The following EXOC6 variants were observed in gnomAD, a reference collection of about 807,000 sequenced individuals.
EXOC6 encodes the protein SEC15-like 1.
Under a neutral mutation model 112.5 loss-of-function variants are expected in EXOC6, and 60 were observed. The observed-to-expected ratio is 0.53, with a 90% CI of 0.43 to 0.66. The LOEUF (loss-of-function observed/expected upper bound fraction) is 0.66, where lower values mean the gene tolerates loss of function less well. EXOC6 is among the 30% of genes least tolerant of loss of function. EXOC6 has a pLI of 0.00. For missense variants in EXOC6, 855 were observed against 957.1 expected, an observed-to-expected ratio of 0.89 and a Z score of 1.41; for synonymous variants, 295 against 308.0, an observed-to-expected ratio of 0.96 and a Z score of 0.44.
At chr10:92,866,352 C>A (rs1042646366) in intron 1 of EXOC6, among the ~76,000 whole-genome samples, 24 of 152,144 alleles carry the variant, frequency 1.6e-4, no homozygotes, top group African/African-American at 5.8e-4. Context: ...CCTTTTATAC[C>A]TTCTTAAAGT....
chr10:92,878,094 G>A (rs1589749453), intron 1 of EXOC6: 1 of 153,988 alleles, frequency 6.5e-6, no homozygotes, highest in South Asian at 2.0e-4. Flanking sequence ...CTCAGCCTTG[G>A]GAGTGGGTGT....
intron 13 of EXOC6, 37 bp from the exon 14 acceptor site, chr10:92,948,237 T>G: frequency 3.0e-6 from 4 of 1,344,450 alleles, no homozygotes; most frequent in Non-Finnish European, 4.2e-6. Flanking sequence ...ATAATATGCT[T>G]TGTAATGATA....
intron 17 of EXOC6, among the ~76,000 whole-genome samples, chr10:92,965,041 C>T (rs1841989025): frequency 6.6e-6 from 1 of 152,140 alleles, no homozygotes; most frequent in Admixed American, 6.6e-5. Context: ...TTAAACTTAG[C>T]AAGACCCAAC....
At chr10:92,896,168 TATATATATATATA>T (rs1162886222) in intron 4 of EXOC6, among the ~76,000 whole-genome samples, 1 of 29,604 alleles carries the variant, frequency 3.4e-5, no homozygotes, top group African/African-American at 1.5e-4. Flanking sequence ...TATATATATA[TATATATATATATA>T]TTTTTTTTTT....
chr10:92,832,791 T>C (rs1402701693), upstream of EXOC6, among the ~76,000 whole-genome samples: 1 of 151,760 alleles, frequency 6.6e-6, no homozygotes, highest in Admixed American at 6.6e-5. Flanking sequence ...GCTTCCCAAG[T>C]AGCTGGGACT....
chr10:92,905,056 C>A (rs867659730), intron 5 of EXOC6, among the ~76,000 whole-genome samples: 1 of 152,034 alleles, frequency 6.6e-6, no homozygotes, highest in East Asian at 1.9e-4. Context: ...ATTTAAAGAA[C>A]GACTCTTTTT....
chr10:92,855,441 A>G (rs1847554153), intron 1 of EXOC6, among the ~76,000 whole-genome samples: 1 of 152,116 alleles, frequency 6.6e-6, no homozygotes, highest in Admixed American at 6.5e-5. Context: ...TGAGTTAGGA[A>G]GTGTTCGCTT....
intron 18 of EXOC6, among the ~76,000 whole-genome samples, chr10:92,976,084 G>T (rs1842586822): frequency 1.4e-5 from 2 of 148,094 alleles, no homozygotes; most frequent in Non-Finnish European, 3.0e-5. Context: ...CAGCCGCCCC[G>T]CCCGGGAGGT....
intron 20 of EXOC6, among the ~76,000 whole-genome samples, chr10:93,041,703 C>T (rs1845787447): frequency 6.6e-6 from 1 of 151,608 alleles, no homozygotes; most frequent in African/African-American, 2.4e-5. Context: ...CGTGAGCCAC[C>T]GTGCCCGGCA....
chr10:92,974,953 A>G (rs1842452606), intron 18 of EXOC6, among the ~76,000 whole-genome samples: 1 of 151,982 alleles, frequency 6.6e-6, no homozygotes, highest in African/African-American at 2.4e-5. Context: ...TGGCCTCCCA[A>G]AGTGCCGAGA....
intron 9 of EXOC6, among the ~76,000 whole-genome samples, chr10:92,932,719 A>G (rs1381599175): frequency 6.6e-6 from 1 of 152,168 alleles, no homozygotes; most frequent in Non-Finnish European, 1.5e-5. Flanking sequence ...CAAAGGGAAG[A>G]TGTGAGATGC....
chr10:92,880,463 G>C (rs1392195566), intron 1 of EXOC6, among the ~76,000 whole-genome samples: 1 of 151,994 alleles, frequency 6.6e-6, no homozygotes, highest in Non-Finnish European at 1.5e-5. Flanking sequence ...TTTGGTAAAG[G>C]GTGCCCTCTA....
chr10:92,896,182 T>TATA (rs1432590399), intron 4 of EXOC6, among the ~76,000 whole-genome samples: 14 of 1,398 alleles, frequency 0.01, no homozygotes, highest in East Asian at 0.036. Context: ...TATATATATA[T>TATA]TTTTTTTTTT....
At chr10:92,899,903 A>G (rs925759311) in intron 5 of EXOC6, 2 of 370,034 alleles carry the variant, frequency 5.4e-6, no homozygotes, top group Admixed American at 8.9e-5. Context: ...GAATGAAAAT[A>G]TTGATTAGCT....
chr10:92,970,547 C>G (rs751298779), intron 17 of EXOC6, among the ~76,000 whole-genome samples: 27 of 152,276 alleles, frequency 1.8e-4, no homozygotes, highest in Non-Finnish European at 3.4e-4. Flanking sequence ...GCTCATCTTG[C>G]TACTACCATA....
intron 1 of EXOC6, among the ~76,000 whole-genome samples, chr10:92,891,055 A>AC (rs1849476226): frequency 6.6e-6 from 1 of 152,186 alleles, no homozygotes; most frequent in African/African-American, 2.4e-5. Context: ...CCAGGGTGAT[A>AC]CCAATGGGGA....
At chr10:93,004,187 A>G (rs1008382315) in intron 19 of EXOC6, among the ~76,000 whole-genome samples, 15 of 152,204 alleles carry the variant, frequency 9.9e-5, no homozygotes, top group Non-Finnish European at 7.4e-5. Context: ...GAATACATAA[A>G]AAGAGTGAAT....
At chr10:92,997,659 A>T in intron 19 of EXOC6, 44 bp downstream of exon 19, 1 of 1,492,268 alleles carries the variant, frequency 6.7e-7, no homozygotes, top group East Asian at 2.4e-5. Flanking sequence ...CTAGGAATCT[A>T]TGCTTAAATT....
intron 5 of EXOC6, among the ~76,000 whole-genome samples, chr10:92,903,072 G>A (rs1850259982): frequency 6.6e-6 from 1 of 152,042 alleles, no homozygotes; most frequent in African/African-American, 2.4e-5. Flanking sequence ...GAATTGCTCA[G>A]TGATAACATA....
Sources: gnomAD v4.1 joint callset for allele counts (sites outside exome capture counted in the v4.1 genomes callset) on GRCh38, gnomAD v4.1.1 for gene constraint, MANE v1.5 for transcripts, NCBI Gene and HGNC (gene_info 2026-07-23, HGNC 2026-07-21) for gene names.